Variants in PATJ observed in about 807,000 individuals in gnomAD.
PATJ encodes inaD-like protein.
Under a neutral mutation model 224.9 loss-of-function variants are expected in PATJ, and 190 were observed. The ratio of observed to expected loss-of-function variants is 0.84; its 90% confidence interval spans 0.75 to 0.95. The LOEUF (loss-of-function observed/expected upper bound fraction) is 0.95, where lower values mean the gene tolerates loss of function less well. Ranked by LOEUF, PATJ falls within the 40% of genes least tolerant of loss-of-function variation. The pLI, the probability that PATJ is intolerant of heterozygous loss-of-function variation, is 0.00. For missense variants in PATJ, 2,121 were observed against 2,270.3 expected (o/e 0.93, Z 1.34); for synonymous variants, 769 against 820.3 (o/e 0.94, Z 1.07).
intron 1 of PATJ, among the ~76,000 whole-genome samples, chr1:61,743,026 C>T (rs1438518791): frequency 6.6e-6 from 1 of 152,144 alleles, no homozygotes; most frequent in Non-Finnish European, 1.5e-5. Flanking sequence ...GTCTTTCCCT[C>T]CATCGGTGGC....
At chr1:62,150,864 C>T (rs968580459) in intron 42 of PATJ, among the ~76,000 whole-genome samples, 3 of 152,020 alleles carry the variant, frequency 2.0e-5, no homozygotes, top group African/African-American at 7.2e-5. Context: ...TTAACAAGGC[C>T]GGGCGTGGTG....
intron 17 of PATJ, among the ~76,000 whole-genome samples, chr1:61,844,821 GT>G (rs1004960341): frequency 1.3e-5 from 2 of 152,078 alleles, no homozygotes; most frequent in Non-Finnish European, 2.9e-5. Context: ...GTTTAAAAGT[GT>G]GTGGAAGCTC....
intron 28 of PATJ, among the ~76,000 whole-genome samples, chr1:62,000,897 G>A (rs1277339622): frequency 6.6e-6 from 1 of 150,830 alleles, no homozygotes; most frequent in Admixed American, 6.6e-5. Flanking sequence ...ATTCTAACTG[G>A]TATGAGACGG....
intron 27 of PATJ, among the ~76,000 whole-genome samples, chr1:61,972,564 A>G (rs1024877660): frequency 2.0e-5 from 3 of 151,998 alleles, no homozygotes; most frequent in Admixed American, 1.3e-4. Context: ...TGACAACAAT[A>G]ATTTTTAAAA....
rs1422627802 is a variant in PATJ, at chr1:61,864,585, T to C, written c.2787T>C (p.Thr929=). The C allele has an allele frequency of 1.9e-6, 3 of 1,608,344 alleles. No homozygotes were observed. The highest frequency in any genetic ancestry group is 4.5e-5 in the East Asian group (2 of 44,802). The part of the protein sequence containing the change: ...SESQEARTGR[T]VYSQEAQPYG... ...CTCAAGAGGCAAGAACCGGGAGGAC[T>C]GTCTATTCCCAGGAGGCACAGCCGT... Residue 929 remains threonine (T), a synonymous_variant, in exon 20 of 44, where the codon ACT becomes ACC. Coordinates refer to ENST00000642238, the MANE Select transcript of PATJ (RefSeq NM_001350145.3).
chr1:61,914,877 G>A (rs1032352753), intron 26 of PATJ, among the ~76,000 whole-genome samples: 8 of 152,176 alleles, frequency 5.3e-5, no homozygotes, highest in South Asian at 4.2e-4. Context: ...TACTATAAAC[G>A]GCCAGTCAGC....
chr1:62,076,969 T>C (rs1658406968), intron 31 of PATJ, among the ~76,000 whole-genome samples: 1 of 152,198 alleles, frequency 6.6e-6, no homozygotes, highest in Non-Finnish European at 1.5e-5. Flanking sequence ...GGGAATGATA[T>C]GGTGTCTCCA....
At chr1:61,880,774 A>G (rs1321814179) in intron 21 of PATJ, among the ~76,000 whole-genome samples, 2 of 152,222 alleles carry the variant, frequency 1.3e-5, no homozygotes, top group Admixed American at 6.5e-5. Flanking sequence ...TTCCAAGAAC[A>G]CAGTGTTCAA....
At chr1:62,036,252 G>A (rs560982062) in intron 29 of PATJ, among the ~76,000 whole-genome samples, 6 of 152,324 alleles carry the variant, frequency 3.9e-5, no homozygotes, top group Middle Eastern at 6.8e-3. Flanking sequence ...ATGCCGGTGA[G>A]AAATGATGAT....
At chr1:61,805,045 T>C (rs1653249675) in intron 12 of PATJ, among the ~76,000 whole-genome samples, 1 of 152,212 alleles carries the variant, frequency 6.6e-6, no homozygotes, top group Admixed American at 6.5e-5. Context: ...TGGAACTACT[T>C]TGAAGTGATT....
chr1:61,743,272 C>T (rs1644856129), intron 1 of PATJ, among the ~76,000 whole-genome samples: 1 of 152,198 alleles, frequency 6.6e-6, no homozygotes, highest in African/African-American at 2.4e-5. Flanking sequence ...AAATCAAGCT[C>T]AGGAAAGCAT....
At chr1:62,148,898 G>A (rs111624621) in intron 42 of PATJ, among the ~76,000 whole-genome samples, 2,353 of 152,146 alleles carry the variant, frequency 0.015, 56 homozygotes, top group African/African-American at 0.053. Context: ...AGGCCGAGAC[G>A]GGTGGATCGC....
intron 34 of PATJ, among the ~76,000 whole-genome samples, chr1:62,110,103 A>G (rs986950739): frequency 3.3e-5 from 5 of 152,206 alleles, no homozygotes; most frequent in African/African-American, 1.2e-4. Context: ...TATATTATCT[A>G]TTCTGAATGG....
intron 31 of PATJ, among the ~76,000 whole-genome samples, chr1:62,071,890 T>C (rs1286671095): frequency 1.3e-5 from 2 of 152,206 alleles, no homozygotes; most frequent in African/African-American, 4.8e-5. Flanking sequence ...ACCTACCTGC[T>C]GTCTGTGTAC....
At chr1:61,801,936 CT>C (rs56969805) in intron 12 of PATJ, among the ~76,000 whole-genome samples, 167 bp downstream of exon 12, 6,917 of 130,600 alleles carry the variant, frequency 0.053, 221 homozygotes, top group East Asian at 0.13. Flanking sequence ...TTTTTTTTTT[CT>C]TTTTTTTTTT....
At chr1:61,910,408 G>A (rs949405722) in intron 25 of PATJ, among the ~76,000 whole-genome samples, 1 of 152,014 alleles carries the variant, frequency 6.6e-6, no homozygotes, top group Non-Finnish European at 1.5e-5. Flanking sequence ...CTGCCACATT[G>A]TACATTCAGT....
At chr1:61,760,516 G>A (rs573470986) in intron 1 of PATJ, among the ~76,000 whole-genome samples, 3 of 151,662 alleles carry the variant, frequency 2.0e-5, no homozygotes, top group Non-Finnish European at 4.4e-5. Context: ...TTTTAATTAC[G>A]TTACATTTTA....
Position 61,993,857 on chromosome 1 carries a change from G to C in PATJ, c.3867+3493G>C, listed in dbSNP as rs541103407. ...TCCGGTATCTGTTTGCTAAGCTAGA[G>C]TCTAGAAGAACTCTGCTGGATAAAA... On this transcript the variant is annotated intron_variant, in intron 28 of 43. Transcript: ENST00000642238. Among the ~76,000 whole-genome samples, 28 of 152,296 alleles carry C rather than the reference G, an allele frequency of 1.8e-4. 1 individual carries two copies. Among genetic ancestry groups the C allele is most frequent in the African/African-American group, 6.3e-4 (26 of 41,560 alleles).
rs1481610277 is a variant in PATJ, at chr1:61,846,789, G to T, written c.2113-9241G>T. Reference sequence around the variant, plus strand: ...CGTTTTTGTATTTTTAGTAGAGACGGGTTTTCGCCATGTTGGCCGGGCTGG... The same window carrying T: ...CGTTTTTGTATTTTTAGTAGAGACGTGTTTTCGCCATGTTGGCCGGGCTGG... On this transcript the variant is annotated intron_variant, in intron 17 of 43. Transcript: ENST00000642238. Among the ~76,000 whole-genome samples the T allele has an allele frequency of 2.0e-5, 3 of 152,140 alleles. No individual in the cohort carries two copies. The East Asian group carries it at 5.8e-4, about 29-fold the overall frequency.
Sources: allele counts gnomAD v4.1 joint callset (sites outside exome capture counted in the v4.1 genomes callset), GRCh38; gene constraint gnomAD v4.1.1; transcripts MANE v1.5; gene names NCBI Gene and HGNC (gene_info 2026-07-23, HGNC 2026-07-21).